CFAP20DC: variants seen among roughly 807,000 people sequenced by gnomAD.
The protein encoded by CFAP20DC is CFAP20 domain containing, also known as protein CFAP20DC.
A neutral mutation model predicts 101.7 loss-of-function variants in CFAP20DC; 84 were observed. The observed-to-expected ratio is 0.83, with a 90% CI of 0.69 to 0.99. The LOEUF (loss-of-function observed/expected upper bound fraction) is 0.99. Among genes scored for constraint, CFAP20DC ranks in the 50% least tolerant of loss-of-function variants. CFAP20DC has a pLI of 0.00. For synonymous variants in CFAP20DC, 359 were observed against 351.2 expected (o/e 1.02, Z -0.25); for missense variants, 1,007 against 970.3 (o/e 1.04, Z -0.50).
intron 4 of CFAP20DC, among the ~76,000 whole-genome samples, chr3:58,950,989 G>T: frequency 6.6e-6 from 1 of 152,032 alleles, no homozygotes; most frequent in Non-Finnish European, 1.5e-5. Flanking sequence ...CAAAATGGGA[G>T]AAAATTTTTG....
intron 14 of CFAP20DC, among the ~76,000 whole-genome samples, chr3:58,807,733 C>T (rs533633112): frequency 7.9e-5 from 12 of 152,196 alleles, no homozygotes; most frequent in African/African-American, 2.6e-4. Context: ...TGACGAGTTG[C>T]GAGAAGAAGG....
Position 58,799,733 on chromosome 3 carries a change from CTGTGTGTGTGTGTGTG to C in CFAP20DC, c.2237+6646_2237+6661del, listed in dbSNP as rs112827949. On this transcript the variant is annotated intron_variant, in intron 15 of 16. Coordinates refer to ENST00000482387, the MANE Select transcript of CFAP20DC (RefSeq NM_001394063.1). This position sits in a 1 kb window ranked among gnomAD's most constrained non-coding sequence, Gnocchi z 4.9. ...AGTGTGTGTGTGTCTGTGTGTGTGTCTGTGTGTGTGTGTGTGTGTGTGTGTGTGTGTGTGTAGAAAA... is the reference window on the plus strand; with the variant it reads ...AGTGTGTGTGTGTCTGTGTGTGTGTCTGTGTGTGTGTGTGTGTGTAGAAAA... 7.0e-6 allele frequency among the ~76,000 whole-genome samples: 1 copy of C among 142,860 alleles called. No individual in the cohort carries two copies. Among genetic ancestry groups the C allele is most frequent in the Non-Finnish European group, 1.6e-5 (1 of 63,998 alleles). The allele number at this position is 142,860 out of a possible 152,430, so 93.7% of individuals were successfully genotyped here.
chr3:58,947,773 G>A (rs2089550837), intron 4 of CFAP20DC, among the ~76,000 whole-genome samples: 2 of 152,194 alleles, frequency 1.3e-5, no homozygotes, highest in South Asian at 2.1e-4. Flanking sequence ...ATCTCATGAA[G>A]CAGGAGTGAG....
chr3:59,029,575 C>T (rs2093951659), intron 4 of CFAP20DC, among the ~76,000 whole-genome samples: 1 of 152,056 alleles, frequency 6.6e-6, no homozygotes, highest in Non-Finnish European at 1.5e-5. Flanking sequence ...AAATTGTGAG[C>T]TACCAGCAGA....
intron 4 of CFAP20DC, among the ~76,000 whole-genome samples, chr3:58,969,620 T>C (rs985788465): frequency 6.6e-6 from 1 of 152,218 alleles, no homozygotes; most frequent in Non-Finnish European, 1.5e-5. Context: ...ATCCATACAA[T>C]GTATTATTCT....
chr3:58,817,345 C>G (rs572966840), intron 14 of CFAP20DC, among the ~76,000 whole-genome samples: 1 of 152,062 alleles, frequency 6.6e-6, no homozygotes, highest in East Asian at 1.9e-4. Flanking sequence ...TTACTCTGAG[C>G]TATGGGAGGA....
chr3:58,974,160 T>G (rs2108406601), intron 4 of CFAP20DC, among the ~76,000 whole-genome samples: 1 of 152,176 alleles, frequency 6.6e-6, no homozygotes, highest in East Asian at 1.9e-4. Flanking sequence ...CATGGGTGAG[T>G]TGCGTGTCAC....
At chr3:59,043,892 G>T (rs951842218) in intron 3 of CFAP20DC, among the ~76,000 whole-genome samples, 38 of 152,102 alleles carry the variant, frequency 2.5e-4, no homozygotes, top group African/African-American at 9.2e-4. Context: ...TCATAGTATG[G>T]CAAATTTAAC....
chr3:58,780,825 A>G (rs535012149), intron 15 of CFAP20DC, among the ~76,000 whole-genome samples: 1 of 152,170 alleles, frequency 6.6e-6, no homozygotes, highest in East Asian at 1.9e-4. Context: ...AGACTCCAAT[A>G]TAATAATAGC....
intron 4 of CFAP20DC, among the ~76,000 whole-genome samples, chr3:59,019,978 A>G (rs893018787): frequency 4.6e-5 from 7 of 152,148 alleles, no homozygotes; most frequent in Non-Finnish European, 1.0e-4. Context: ...AGAGGCAGAC[A>G]GGAAAATCTA....
intron 13 of CFAP20DC, among the ~76,000 whole-genome samples, chr3:58,845,369 G>A (rs2077536738): frequency 6.6e-6 from 1 of 152,062 alleles, no homozygotes; most frequent in African/African-American, 2.4e-5. Flanking sequence ...CTACCATCAG[G>A]GAATACTACA....
chr3:58,809,983 C>A (rs1339151317), intron 14 of CFAP20DC, among the ~76,000 whole-genome samples: 1 of 152,112 alleles, frequency 6.6e-6, no homozygotes, highest in African/African-American at 2.4e-5. Context: ...GACACATACA[C>A]CATCCCACGA....
At position 58,891,073 on chromosome 3, in the gene CFAP20DC, C is replaced by T. The variant is rs376505817; in HGVS notation, c.551-6364G>A. On this transcript the variant is annotated intron_variant, in intron 6 of 16. Coordinates refer to ENST00000482387, the MANE Select transcript of CFAP20DC (RefSeq NM_001394063.1). The stretch of plus-strand genomic sequence containing the variant: ...CGGCACTTTGGGAGGCCAAGGCAGG[C>T]GGCTGGGAGGTGTAGGTTGTAGTGA... Among the ~76,000 whole-genome samples, 634 of 149,350 alleles carry T rather than the reference C, an allele frequency of 4.2e-3. 21 individuals carry two copies. In the East Asian group the frequency reaches 0.1, roughly 24 times the overall value.
At chr3:58,814,098 T>A (rs1163050835) in intron 14 of CFAP20DC, among the ~76,000 whole-genome samples, 1 of 151,886 alleles carries the variant, frequency 6.6e-6, no homozygotes, top group Non-Finnish European at 1.5e-5. Flanking sequence ...CTCCAGTGAA[T>A]GGACCTCTGC....
intron 1 of CFAP20DC, among the ~76,000 whole-genome samples, chr3:59,048,965 C>G (rs1348934006): frequency 6.6e-6 from 1 of 152,132 alleles, no homozygotes; most frequent in African/African-American, 2.4e-5. Context: ...GATCCTTGGA[C>G]CCCCTGCATA....
chr3:59,043,480 GA>G (rs1312758693), intron 3 of CFAP20DC, among the ~76,000 whole-genome samples: 1 of 151,920 alleles, frequency 6.6e-6, no homozygotes, highest in East Asian at 1.9e-4. Flanking sequence ...TTAAACAGAG[GA>G]AGTCATGACA....
chr3:59,003,022 A>T (rs2093350011), intron 4 of CFAP20DC, among the ~76,000 whole-genome samples: 1 of 152,218 alleles, frequency 6.6e-6, no homozygotes, highest in South Asian at 2.1e-4. Flanking sequence ...AATCTAAAAG[A>T]CTTATTTTAT....
At chr3:58,898,577 G>A (rs1022979711) in intron 6 of CFAP20DC, among the ~76,000 whole-genome samples, 10 of 152,152 alleles carry the variant, frequency 6.6e-5, no homozygotes, top group Admixed American at 5.9e-4. Context: ...TTGGCTATCA[G>A]GTCCTGTATT....
chr3:58,928,080 T>G (rs1362505349), intron 5 of CFAP20DC, among the ~76,000 whole-genome samples: 1 of 152,204 alleles, frequency 6.6e-6, no homozygotes, highest in Non-Finnish European at 1.5e-5. Flanking sequence ...TGTCAGGAGA[T>G]ACATTAAGAT....
Sources: gnomAD v4.1 joint callset for allele counts (sites outside exome capture counted in the v4.1 genomes callset) on GRCh38, gnomAD v4.1.1 for gene constraint, Gnocchi (gnomAD v3.1) non-coding constraint, MANE v1.5 for transcripts, NCBI Gene and HGNC (gene_info 2026-07-23, HGNC 2026-07-21) for gene names.